The following NAV1 variants were observed in gnomAD, a reference collection of about 807,000 sequenced individuals.
NAV1 encodes the protein neuron navigator 1.
Under a neutral mutation model 175.2 loss-of-function variants are expected in NAV1, and 18 were observed. The ratio of observed to expected loss-of-function variants is 0.10; its 90% CI spans 0.07 to 0.15. The LOEUF (loss-of-function observed/expected upper bound fraction) is 0.15, where lower values mean the gene tolerates loss of function less well. Among genes scored for constraint, NAV1 ranks in the 10% least tolerant of loss-of-function variants. NAV1 has a pLI of 1.00. For missense variants in NAV1, 1,731 were observed against 2,436.6 expected, an observed-to-expected ratio of 0.71 and a Z score of 6.10; for synonymous variants, 897 against 978.7, an observed-to-expected ratio of 0.92 and a Z score of 1.56.
At position 201,681,459 on chromosome 1, in the gene NAV1, G is replaced by A. The variant is rs768327807; in HGVS notation, c.758-31358G>A. Among the ~76,000 whole-genome samples the A allele has an allele frequency of 7.2e-5, 11 of 152,178 alleles. 2 individuals are homozygous for A. Among genetic ancestry groups the A allele is most frequent in the South Asian group, 4.1e-4 (2 of 4,828 alleles). On this transcript the variant is annotated intron_variant, in intron 1 of 29. Transcript: ENST00000367296. ...TTAAAATATGCAGAATCTCCCCAGC[G>A]TGTTTGTCCATGGGATCCTGCTTTG... is the stretch of plus-strand genomic sequence containing the variant.
At chr1:201,604,680 GAA>G (rs747665244) in intron 2 of NAV1, among the ~76,000 whole-genome samples, 7 of 52,608 alleles carry the variant, frequency 1.3e-4, no homozygotes, top group Admixed American at 2.4e-4. Flanking sequence ...GACTCTGTCA[GAA>G]AAAAAAAAAA....
intron 1 of NAV1, among the ~76,000 whole-genome samples, chr1:201,544,618 T>C (rs561907068): frequency 5.6e-4 from 85 of 152,306 alleles, no homozygotes; most frequent in African/African-American, 1.9e-3. Flanking sequence ...GAGTTCCTCA[T>C]TGTATTAATC....
intron 3 of NAV1, among the ~76,000 whole-genome samples, chr1:201,742,157 C>G (rs1269353851): frequency 6.6e-6 from 1 of 152,216 alleles, no homozygotes; most frequent in African/African-American, 2.4e-5. Flanking sequence ...GGCTCCAATT[C>G]ACAGAGGGGG....
chr1:201,673,007 A>G (rs988585828), intron 1 of NAV1: 1 of 152,192 alleles, frequency 6.6e-6, no homozygotes, highest in Non-Finnish European at 1.5e-5. Context: ...TACCGAAGAA[A>G]AGCCTGACTC....
At chr1:201,653,754 C>A (rs558374599) in intron 1 of NAV1, among the ~76,000 whole-genome samples, 10 of 152,242 alleles carry the variant, frequency 6.6e-5, no homozygotes, top group Admixed American at 5.2e-4. Context: ...TCCTGCCCTT[C>A]CTCTGGGCAG....
chr1:201,691,348 C>G (rs909225952), intron 1 of NAV1, among the ~76,000 whole-genome samples: 7 of 152,206 alleles, frequency 4.6e-5, no homozygotes, highest in Non-Finnish European at 1.0e-4. Context: ...GGTGGAAGGA[C>G]CAGAGAAGCC....
upstream of NAV1, chr1:201,622,831 T>C (rs955251399): frequency 6.1e-6 from 6 of 985,742 alleles, no homozygotes; most frequent in African/African-American, 1.7e-5. Flanking sequence ...TGACGGTCTT[T>C]TTTTGCCCTC....
At position 201,709,145 on chromosome 1, in the gene NAV1, CA is replaced by C. The variant is rs1303364669; in HGVS notation, c.758-3656del. Among the ~76,000 whole-genome samples, 370 of 144,050 alleles carry C rather than the reference CA, an allele frequency of 2.6e-3. 1 individual carries two copies. The highest frequency in any genetic ancestry group is 4.2e-3 in the Non-Finnish European group (279 of 66,102). 94.5% of individuals were successfully genotyped at this position (144,050 alleles called of 152,430 possible). A position where few individuals can be genotyped will look rare whatever the true frequency, so the allele number is the denominator to read the frequency against. ...AGGAGACAGAGTAAGACCCTGTCTC[CA>C]AAAAAAAAAAAAAAACCATTGAACT... On this transcript the variant is annotated intron_variant, in intron 1 of 29. Coordinates refer to ENST00000367296, the Ensembl canonical transcript of NAV1.
At chr1:201,805,723 G>C (rs1424835229) in intron 17 of NAV1, among the ~76,000 whole-genome samples, 1 of 152,098 alleles carries the variant, frequency 6.6e-6, no homozygotes, top group African/African-American at 2.4e-5. Flanking sequence ...AGGAGTTCAA[G>C]ATCAGCCTGG....
intron 1 of NAV1, among the ~76,000 whole-genome samples, chr1:201,566,810 T>G (rs1374433673): frequency 1.3e-5 from 2 of 151,236 alleles, no homozygotes; most frequent in Non-Finnish European, 2.9e-5. Context: ...TTTTTTTTTT[T>G]AAAGGCAGGT....
At position 201,755,496 on chromosome 1, in the gene NAV1, C is replaced by T. The variant is rs967137766; in HGVS notation, c.1227-24925C>T. Among the ~76,000 whole-genome samples, 18 of 152,038 alleles carry T rather than the reference C, an allele frequency of 1.2e-4. 1 individual carries two copies. Among genetic ancestry groups the T allele is most frequent in the African/African-American group, 2.4e-5 (1 of 41,346 alleles). On this transcript the variant is annotated intron_variant, in intron 3 of 29. Transcript: ENST00000367296. ...AGAGGAGGAAGAGGAAGAAGATATA[C>T]TTATTTTAGCTTAACTTAGTTTTTA... is the stretch of plus-strand genomic sequence containing the variant.
intron 15 of NAV1, among the ~76,000 whole-genome samples, chr1:201,801,782 C>T (rs1191544029): frequency 2.0e-5 from 3 of 152,056 alleles, no homozygotes; most frequent in Non-Finnish European, 2.9e-5. Flanking sequence ...TAATATTTTG[C>T]CTTTGCTTCA....
chr1:201,722,657 T>TTTTG (rs140405451), intron 3 of NAV1, among the ~76,000 whole-genome samples: 36 of 151,292 alleles, frequency 2.4e-4, no homozygotes, highest in Admixed American at 1.1e-3. Flanking sequence ...TCTATGTGTT[T>TTTTG]TTTGTTTGTT....
At chr1:201,714,385 C>T (rs533784790) in intron 2 of NAV1, among the ~76,000 whole-genome samples, 1 of 152,358 alleles carries the variant, frequency 6.6e-6, no homozygotes, top group South Asian at 2.1e-4. Flanking sequence ...CCCATGCCCG[C>T]ATCTTGGACA....
chr1:201,815,588 G>T (rs1331298313), intron 28 of NAV1, among the ~76,000 whole-genome samples: 4 of 152,164 alleles, frequency 2.6e-5, no homozygotes. Flanking sequence ...AGGGGGGTAG[G>T]TGAGTAGGAG....
intron 1 of NAV1, among the ~76,000 whole-genome samples, chr1:201,578,695 A>T (rs888530832): frequency 2.0e-5 from 3 of 152,194 alleles, no homozygotes; most frequent in African/African-American, 7.2e-5. Context: ...GGTGAACTCT[A>T]GGCTCCCCAC....
chr1:201,767,339 T>C (rs968806283), intron 3 of NAV1, among the ~76,000 whole-genome samples: 13 of 151,634 alleles, frequency 8.6e-5, no homozygotes, highest in Non-Finnish European at 1.6e-4. Flanking sequence ...TAATCCCAGC[T>C]ACTTGGGAGG....
intron 1 of NAV1, among the ~76,000 whole-genome samples, chr1:201,671,693 A>G (rs6427916): frequency 0.34 from 52,220 of 152,048 alleles, 9,328 homozygotes; most frequent in Admixed American, 0.46. Context: ...GACCCTGGGC[A>G]CGCTGGGTCT....
chr1:201,559,712 G>A (rs1281927932), intron 1 of NAV1, among the ~76,000 whole-genome samples: 1 of 152,230 alleles, frequency 6.6e-6, no homozygotes, highest in African/African-American at 2.4e-5. Context: ...TCTTTGGACA[G>A]AACCCCGTGC....
Sources: allele counts gnomAD v4.1 joint callset (sites outside exome capture counted in the v4.1 genomes callset), GRCh38; gene constraint gnomAD v4.1.1; transcripts MANE v1.5; gene names NCBI Gene and HGNC (gene_info 2026-07-23, HGNC 2026-07-21).